SHC3: variants seen among roughly 807,000 people sequenced by gnomAD.
The protein encoded by SHC3 is SHC-transforming protein 3.
In SHC3, 15 loss-of-function variants were observed where a neutral mutation model predicts 60.4. That is an observed-to-expected ratio of 0.25 (90% CI 0.17 to 0.38). The LOEUF is 0.38. Among genes scored for constraint, SHC3 ranks in the 10% least tolerant of loss-of-function variants. The pLI is 1.00. For synonymous variants in SHC3, 294 were observed against 325.9 expected (o/e 0.90, Z 1.05); for missense variants, 677 against 786.1 (o/e 0.86, Z 1.66).
chr9:89,108,871 C>T (rs983905374), intron 2 of SHC3, among the ~76,000 whole-genome samples: 34 of 152,266 alleles, frequency 2.2e-4, no homozygotes, highest in African/African-American at 7.5e-4. Context: ...TAGTAGAGTT[C>T]GTGCTAACCA....
At chr9:89,089,774 G>T (rs1825593493) in intron 2 of SHC3, among the ~76,000 whole-genome samples, 1 of 152,182 alleles carries the variant, frequency 6.6e-6, no homozygotes, top group South Asian at 2.1e-4. Flanking sequence ...AGGGGTCAGA[G>T]CCCACAGGAG....
chr9:89,050,255 G>C (rs2117919054), intron 7 of SHC3, among the ~76,000 whole-genome samples: 1 of 152,216 alleles, frequency 6.6e-6, no homozygotes, highest in East Asian at 1.9e-4. Flanking sequence ...CTGGAGTTGT[G>C]TATAGCATTT....
intron 5 of SHC3, among the ~76,000 whole-genome samples, chr9:89,068,035 A>AT (rs913403047): frequency 3.3e-5 from 5 of 152,246 alleles, no homozygotes; most frequent in African/African-American, 1.2e-4. Context: ...TGTCTCTCAG[A>AT]TGGTCAATGG....
At chr9:89,176,159 A>C (rs1826939968) in intron 1 of SHC3, among the ~76,000 whole-genome samples, 1 of 152,202 alleles carries the variant, frequency 6.6e-6, no homozygotes, top group African/African-American at 2.4e-5. Flanking sequence ...AATTTGAGGC[A>C]ACACAAAGTA....
chr9:89,136,279 A>G (rs1192499124), intron 1 of SHC3, among the ~76,000 whole-genome samples: 2 of 152,210 alleles, frequency 1.3e-5, no homozygotes, highest in Admixed American at 6.5e-5. Context: ...TAGGGGCTGG[A>G]AAAAATGAGG....
chr9:89,141,103 G>C (rs1826386989), intron 1 of SHC3, among the ~76,000 whole-genome samples: 1 of 152,148 alleles, frequency 6.6e-6, no homozygotes, highest in East Asian at 1.9e-4. Flanking sequence ...GAGGAGAAGA[G>C]AATAACAAAT....
In SHC3 at chr9:89,075,176, G is replaced by A. The variant is rs1825337297; in HGVS notation, c.662C>T (p.Ala221Val). ...GATGGTCAGAGAGATGCTCATTCCC[G>A]CAAACTGGAGGTTGCTCTTTCCCAA... Reference protein sequence around the residue: ...SILGKSNLQFAGMSISLTIST... With the variant: ...SILGKSNLQFVGMSISLTIST... The change falls in exon 4 of 12, where the codon GCG becomes GTG. Residue 221 changes from alanine to valine, a missense_variant. Ala to Val is a moderately conservative substitution (Grantham distance 64). Coordinates refer to ENST00000375835, the MANE Select transcript of SHC3 (RefSeq NM_016848.6). The A allele has an allele frequency of 5.0e-6, 8 of 1,613,838 alleles. No homozygotes were observed. The highest frequency in any genetic ancestry group is 5.9e-6 in the Non-Finnish European group (7 of 1,179,844).
rs939412862 is a variant in SHC3, at chr9:89,045,750, C to T, written c.1197G>A (p.Arg399=). 2 of 1,614,016 alleles carry T rather than the reference C, an allele frequency of 1.2e-6. No individual in the cohort carries two copies. The highest frequency in any genetic ancestry group is 1.7e-6 in the Non-Finnish European group (2 of 1,179,974). The change falls in exon 9 of 12, where the codon AGG becomes AGA. Residue 399 remains arginine, a synonymous_variant. Coordinates refer to ENST00000375835, the MANE Select transcript of SHC3 (RefSeq NM_016848.6). The stretch of plus-strand genomic sequence containing the variant: ...CCATCTCACCTTGCCTCTCACCTTG[C>T]CTTAAAGGTGTTTGCTGCCAGTCTT... ...FGEDWQQTPL[R]QGSSDIYSTP...
intron 2 of SHC3, among the ~76,000 whole-genome samples, chr9:89,106,903 A>ACGAAAATAG (rs1825868114): frequency 6.6e-6 from 1 of 151,964 alleles, no homozygotes; most frequent in East Asian, 1.9e-4. Flanking sequence ...GGGACTGAAC[A>ACGAAAATAG]CGAAAATAGA....
intron 11 of SHC3, among the ~76,000 whole-genome samples, chr9:89,027,233 T>C (rs539319328): frequency 1.3e-5 from 2 of 152,348 alleles, no homozygotes; most frequent in African/African-American, 4.8e-5. Context: ...TAAGTGAGCA[T>C]GATGCTAAAA....
chr9:89,125,645 G>T (rs970749839), intron 1 of SHC3, among the ~76,000 whole-genome samples: 1 of 152,124 alleles, frequency 6.6e-6, no homozygotes, highest in Non-Finnish European at 1.5e-5. Context: ...GATAAAACAG[G>T]TTGCAGTAAA....
intron 7 of SHC3, among the ~76,000 whole-genome samples, chr9:89,047,540 G>A (rs958492457): frequency 6.6e-6 from 1 of 152,074 alleles, no homozygotes; most frequent in Admixed American, 6.5e-5. Flanking sequence ...GTACTCGTAC[G>A]ACTCAACAAT....
chr9:89,173,996 GTAAAA>G (rs1298358335), intron 1 of SHC3, among the ~76,000 whole-genome samples: 1 of 151,894 alleles, frequency 6.6e-6, no homozygotes, highest in Non-Finnish European at 1.5e-5. Flanking sequence ...CAGTCTAGAG[GTAAAA>G]TAAAATTCTA....
intron 8 of SHC3, 84 bp downstream of exon 8, chr9:89,046,760 C>T (rs1824781217): frequency 7.3e-7 from 1 of 1,363,890 alleles, no homozygotes; most frequent in African/African-American, 1.5e-5. Context: ...GAACATCAGC[C>T]TGAAATAAAA....
intron 1 of SHC3, among the ~76,000 whole-genome samples, chr9:89,175,880 CTCA>C (rs1826935529): frequency 6.6e-6 from 1 of 152,184 alleles, no homozygotes; most frequent in Non-Finnish European, 1.5e-5. Context: ...AGGTTTTAAA[CTCA>C]ACATGGGCAA....
At chr9:89,156,349 G>T (rs571631522) in intron 1 of SHC3, among the ~76,000 whole-genome samples, 1 of 152,244 alleles carries the variant, frequency 6.6e-6, no homozygotes, top group African/African-American at 2.4e-5. Context: ...TACAGTCCCA[G>T]TTGACATCTA....
intron 1 of SHC3, among the ~76,000 whole-genome samples, chr9:89,155,548 C>T (rs1826610370): frequency 6.6e-6 from 1 of 152,110 alleles, no homozygotes; most frequent in Non-Finnish European, 1.5e-5. Flanking sequence ...TAAGGTCCTG[C>T]TACCACCAGC....
In SHC3 at chr9:89,112,416, G is replaced by C. The variant is rs1825962129; in HGVS notation, c.545+140C>G. On this transcript the variant is annotated intron_variant, in intron 2 of 11. Coordinates refer to ENST00000375835, the MANE Select transcript of SHC3 (RefSeq NM_016848.6). Reference sequence around the variant, plus strand: ...GACTAACAAGCACATGTCTTGAGATGAGGACAGTACTGACTCACTGTCACC... The same window carrying C: ...GACTAACAAGCACATGTCTTGAGATCAGGACAGTACTGACTCACTGTCACC... 7 of 763,592 alleles carry C rather than the reference G, an allele frequency of 9.2e-6. No homozygotes were observed. The Admixed American group carries it at 2.2e-4, about 24-fold the overall frequency. The allele number at this position is 763,592 out of a possible 1,614,324, so 47.3% of individuals were successfully genotyped here.
intron 11 of SHC3, among the ~76,000 whole-genome samples, chr9:89,034,661 C>T (rs1824542388): frequency 1.3e-5 from 2 of 152,154 alleles, no homozygotes; most frequent in South Asian, 4.1e-4. Flanking sequence ...AAAAGAAACT[C>T]AAAATAACAT....
Sources: gnomAD v4.1 joint callset for allele counts (sites outside exome capture counted in the v4.1 genomes callset) on GRCh38, gnomAD v4.1.1 for gene constraint, MANE v1.5 for transcripts, NCBI Gene and HGNC (gene_info 2026-07-23, HGNC 2026-07-21) for gene names.